XRN1: variants seen among roughly 807,000 people sequenced by gnomAD.
XRN1 encodes strand-exchange protein 1 homolog.
In XRN1, 67 loss-of-function variants were observed where a neutral mutation model predicts 222.3. The observed-to-expected ratio is 0.30, with a 90% CI of 0.25 to 0.37. XRN1 has a LOEUF of 0.37. Among genes scored for constraint, XRN1 ranks in the 10% least tolerant of loss-of-function variants. The probability of loss-of-function intolerance (pLI) is 1.00; values close to 1 mark genes in which losing one functional copy is unlikely to be tolerated. For missense variants in XRN1, 1,707 were observed against 2,000.2 expected (o/e 0.85, Z 2.80); for synonymous variants, 643 against 652.4 (o/e 0.99, Z 0.22).
chr3:142,354,448 C>T (rs1215497285), intron 32 of XRN1, among the ~76,000 whole-genome samples: 2 of 152,170 alleles, frequency 1.3e-5, no homozygotes, highest in African/African-American at 2.4e-5. Flanking sequence ...GGAAAATAAA[C>T]CGTTCTTCCA....
intron 30 of XRN1, among the ~76,000 whole-genome samples, chr3:142,358,786 T>C (rs942499586): frequency 6.6e-6 from 1 of 152,094 alleles, no homozygotes; most frequent in Admixed American, 6.6e-5. Flanking sequence ...AAAACAATAA[T>C]AATAGCATCC....
intron 12 of XRN1, 59 bp from the exon 13 acceptor site, chr3:142,417,288 A>C: frequency 7.0e-7 from 1 of 1,424,480 alleles, no homozygotes; most frequent in Non-Finnish European, 9.9e-7. Flanking sequence ...GTGTCTTTAG[A>C]GCACGGTATC....
At chr3:142,312,455 C>A in intron 40 of XRN1, 143 bp downstream of exon 40, 1 of 728,490 alleles carries the variant, frequency 1.4e-6, no homozygotes, top group East Asian at 2.9e-5. Context: ...ACAGGTCAGA[C>A]TTGTCAACCA....
chr3:142,376,727 C>G, intron 23 of XRN1, 133 bp from the exon 24 acceptor site: 1 of 666,658 alleles, frequency 1.5e-6, no homozygotes, highest in Non-Finnish European at 2.5e-6. Flanking sequence ...AGGATTTTCA[C>G]TTAGATCCAT....
intron 13 of XRN1, among the ~76,000 whole-genome samples, chr3:142,415,865 GT>G (rs1559864458): frequency 6.6e-6 from 1 of 152,024 alleles, no homozygotes; most frequent in South Asian, 2.1e-4. Flanking sequence ...TCATTTTTTG[GT>G]TTTTAATTTT....
chr3:142,332,401 G>A lies in XRN1; in HGVS notation c.4196C>T (p.Ser1399Phe), dbSNP rs762997085. 6.2e-7 allele frequency: 1 copy of A among 1,608,640 alleles called. No homozygotes were observed. The highest frequency in any genetic ancestry group is 1.1e-5 in the South Asian group (1 of 90,440). ...TAATTTCTTATTTTGTTTAGGCTGA[G>A]AGGGTAATCCATATTCATCTCTTCT... ...SNRRDEYGLP[S>F]QPKQNKKLAS... The change falls in exon 36 of 41, where the codon TCT becomes TTT. Residue 1399 changes from serine to phenylalanine, a missense_variant. Transcript: ENST00000392981.
At position 142,349,692 on chromosome 3, in the gene XRN1, A is replaced by AAAGCTG. The variant is rs770626945; in HGVS notation, c.3769-2351_3769-2350insCAGCTT. 1.3e-3 allele frequency among the ~76,000 whole-genome samples: 204 copies of AAAGCTG among 152,240 alleles called. 1 individual carries two copies. The highest frequency in any genetic ancestry group is 4.8e-3 in the African/African-American group (201 of 41,558). On this transcript the variant is annotated intron_variant, in intron 32 of 40. Transcript: ENST00000392981. ...TACACATTGCCATGTTTTGCCAATG[A>AAAGCTG]AAGCTTGAATATTTCTTATCACAGT... is the stretch of plus-strand genomic sequence containing the variant.
chr3:142,377,959 G>C (rs1488454005), intron 23 of XRN1, among the ~76,000 whole-genome samples: 1 of 152,166 alleles, frequency 6.6e-6, no homozygotes, highest in Non-Finnish European at 1.5e-5. Context: ...CAGATGGTAA[G>C]ATTTTAGGGA....
chr3:142,376,267 A>G, intron 24 of XRN1: 1 of 647,616 alleles, frequency 1.5e-6, no homozygotes, highest in Non-Finnish European at 2.6e-6. Flanking sequence ...TCAAGGTTCA[A>G]TTTATTAGCT....
chr3:142,350,249 C>T (rs2107811122), intron 32 of XRN1, among the ~76,000 whole-genome samples: 1 of 152,144 alleles, frequency 6.6e-6, no homozygotes, highest in South Asian at 2.1e-4. Flanking sequence ...TCTAAGTGAA[C>T]TTCATTGTAT....
rs937633963 is a variant in XRN1 at position 142,386,146 on chromosome 3, A to G, written c.2340-1461T>C. Among the ~76,000 whole-genome samples the G allele has an allele frequency of 7.9e-5, 12 of 152,136 alleles. 1 individual carries two copies. In the South Asian group the frequency reaches 2.3e-3, roughly 29 times the overall value. On this transcript the variant is annotated intron_variant, in intron 20 of 40. Transcript: ENST00000392981. ...ACACCATTTTCTAAAAATTTATTAG[A>G]ATTTTTTTCTACCACTTTCACTTAA...
chr3:142,376,458 A>C, intron 24 of XRN1, 21 bp downstream of exon 24: 1 of 1,553,600 alleles, frequency 6.4e-7, no homozygotes, highest in East Asian at 2.3e-5. Context: ...CTTTAAGTAA[A>C]TTTCTCTAAC....
chr3:142,354,110 A>T (rs181074679), intron 32 of XRN1, among the ~76,000 whole-genome samples: 43 of 152,248 alleles, frequency 2.8e-4, no homozygotes, highest in Non-Finnish European at 5.1e-4. Flanking sequence ...ATTAATTTTT[A>T]AAAAATGGGG....
chr3:142,362,137 T>C (rs1259259851), intron 29 of XRN1, among the ~76,000 whole-genome samples: 2 of 151,560 alleles, frequency 1.3e-5, no homozygotes, highest in Non-Finnish European at 2.9e-5. Context: ...CCTGGCTAAT[T>C]TTTGTATATA....
chr3:142,389,611 C>T (rs948329687), intron 20 of XRN1, among the ~76,000 whole-genome samples: 30 of 152,110 alleles, frequency 2.0e-4, no homozygotes, highest in African/African-American at 7.0e-4. Flanking sequence ...CCTCTGCCTC[C>T]CAGGTTCAAG....
At position 142,311,685 on chromosome 3, in the gene XRN1, G is replaced by C. The variant is rs767379153; in HGVS notation, c.4911C>G (p.Ser1637Arg). The change falls in exon 41 of 41, where the codon AGC becomes AGG. Residue 1637 changes from serine to arginine, a missense_variant. Transcript: ENST00000392981. ...GAGAGGACTTCAAAGAAGCTGATGA[G>C]CTCTCCCGTGGACTTACTTTGACAA... ...SNIVKVSPRESSSASLKSSPI... is the reference protein window; with the variant it reads ...SNIVKVSPRERSSASLKSSPI... 2 of 1,614,160 alleles carry C rather than the reference G, an allele frequency of 1.2e-6. No homozygotes were observed. The highest frequency in any genetic ancestry group is 1.7e-6 in the Non-Finnish European group (2 of 1,180,014).
At chr3:142,442,919 G>C (rs1386460526) in intron 1 of XRN1, among the ~76,000 whole-genome samples, 1 of 152,094 alleles carries the variant, frequency 6.6e-6, no homozygotes, top group Non-Finnish European at 1.5e-5. Flanking sequence ...ATTTTTAGTA[G>C]AGACGGGGTT....
intron 25 of XRN1, among the ~76,000 whole-genome samples, chr3:142,372,375 CT>C (rs2067014416): frequency 6.6e-6 from 1 of 152,066 alleles, no homozygotes; most frequent in African/African-American, 2.4e-5. Flanking sequence ...GTAGGGAGTG[CT>C]TGTTTGATCA....
At chr3:142,342,641 C>T (rs2066028926) in intron 33 of XRN1, among the ~76,000 whole-genome samples, 1 of 152,090 alleles carries the variant, frequency 6.6e-6, no homozygotes, top group Admixed American at 6.6e-5. Context: ...TAAATCCACA[C>T]ATCTCATTTT....
Sources: allele counts gnomAD v4.1 joint callset (sites outside exome capture counted in the v4.1 genomes callset), GRCh38; gene constraint gnomAD v4.1.1; transcripts MANE v1.5; gene names NCBI Gene and HGNC (gene_info 2026-07-23, HGNC 2026-07-21).